DAB1: variants seen among roughly 807,000 people sequenced by gnomAD.
DAB1 encodes disabled homolog 1.
A neutral mutation model predicts 64.6 loss-of-function variants in DAB1; 15 were observed. The observed-to-expected ratio is 0.23, with a 90% CI of 0.16 to 0.36. The LOEUF (loss-of-function observed/expected upper bound fraction) is 0.36. DAB1 is among the 10% of genes least tolerant of loss of function. The pLI is 1.00. For synonymous variants in DAB1, 235 were observed against 251.9 expected (o/e 0.93, Z 0.64); for missense variants, 596 against 706.7 (o/e 0.84, Z 1.78).
rs546176069 is a variant in DAB1, at chr1:58,236,422, G to T, written n.310-85834C>A. 4.4e-3 allele frequency among the ~76,000 whole-genome samples: 665 copies of T among 152,076 alleles called. 3 individuals are homozygous for T. The highest frequency in any genetic ancestry group is 0.015 in the African/African-American group (622 of 41,464). On this transcript the variant is annotated intron_variant and non_coding_transcript_variant, in intron 4 of 20. Coordinates refer to the DAB1 transcript ENST00000485760. Reference sequence around the variant, plus strand: ...ACGAGTGTCGATCGGAAAGACGCATGGGGGACACAGCACCCGCTTACTTAA... The same window carrying T: ...ACGAGTGTCGATCGGAAAGACGCATTGGGGACACAGCACCCGCTTACTTAA...
chr1:57,061,233 G>GC (rs997001859), intron 9 of DAB1, among the ~76,000 whole-genome samples: 1 of 151,062 alleles, frequency 6.6e-6, no homozygotes, highest in African/African-American at 2.4e-5. Context: ...TTAGATGGGG[G>GC]GGGGGGGTGG....
At chr1:57,307,005 A>T (rs1353286781) in intron 1 of DAB1, 1 of 151,926 alleles carries the variant, frequency 6.6e-6, no homozygotes, top group Non-Finnish European at 1.5e-5. Context: ...CGCTTTCTCC[A>T]CTCCACACTC....
In DAB1 at chr1:58,517,941, C is replaced by T. The variant is rs578019767; in HGVS notation, n.107+9320G>A. 5.3e-5 allele frequency among the ~76,000 whole-genome samples: 8 copies of T among 151,696 alleles called. No homozygotes were observed. The South Asian group carries it at 1.5e-3, about 28-fold the overall frequency. ...GTGGCTCACACCTGTAATCCCAGCACTTTAGGAGGCCAAAGTGGGTGGGTC... is the reference window on the plus strand; with the variant it reads ...GTGGCTCACACCTGTAATCCCAGCATTTTAGGAGGCCAAAGTGGGTGGGTC... On this transcript the variant is annotated intron_variant and non_coding_transcript_variant, in intron 2 of 20. Coordinates refer to the DAB1 transcript ENST00000485760.
At chr1:57,116,926 C>A (rs1195532117) in intron 4 of DAB1, among the ~76,000 whole-genome samples, 4 of 152,188 alleles carry the variant, frequency 2.6e-5, no homozygotes, top group African/African-American at 9.6e-5. Context: ...GCAGAACTAG[C>A]ATTTATCCTG....
chr1:57,225,111 G>A (rs1020694496), intron 2 of DAB1, among the ~76,000 whole-genome samples: 2 of 152,116 alleles, frequency 1.3e-5, no homozygotes, highest in African/African-American at 4.8e-5. Flanking sequence ...CTGTTCATTT[G>A]TATCCTTTGT....
At chr1:57,241,537 G>C (rs1321653656) in intron 2 of DAB1, among the ~76,000 whole-genome samples, 1 of 152,156 alleles carries the variant, frequency 6.6e-6, no homozygotes, top group Non-Finnish European at 1.5e-5. Flanking sequence ...GTTGGGCTTA[G>C]AGTGGAGTCT....
At chr1:57,305,235 C>G (rs1023880712) in intron 1 of DAB1, among the ~76,000 whole-genome samples, 3 of 152,118 alleles carry the variant, frequency 2.0e-5, no homozygotes, top group African/African-American at 4.8e-5. Context: ...GGCTACCAGA[C>G]CAGGAGGGAA....
intron 4 of DAB1, among the ~76,000 whole-genome samples, chr1:58,165,809 G>A (rs929319592): frequency 6.6e-6 from 1 of 152,210 alleles, no homozygotes; most frequent in South Asian, 2.1e-4. Context: ...GAAATGGGCA[G>A]ACAGGAGGTC....
chr1:57,923,355 C>A (rs1644836937), intron 5 of DAB1, among the ~76,000 whole-genome samples: 1 of 152,156 alleles, frequency 6.6e-6, no homozygotes, highest in Non-Finnish European at 1.5e-5. Flanking sequence ...CAGGAGCCAG[C>A]TGGTGAGAAA....
Position 57,788,022 on chromosome 1 carries a change from G to A in DAB1, n.551+95977C>T, listed in dbSNP as rs551605252. On this transcript the variant is annotated intron_variant and non_coding_transcript_variant, in intron 6 of 20. Coordinates refer to the DAB1 transcript ENST00000485760. ...AAAACAAATGAGAATATCAAGTGAT[G>A]AAGAACATCTGGAGCAAGTGGAACT... Among the ~76,000 whole-genome samples, 51 of 151,932 alleles carry A rather than the reference G, an allele frequency of 3.4e-4. 1 individual carries two copies. The South Asian group carries it at 0.011, about 32-fold the overall frequency.
At chr1:57,742,428 C>A (rs1479609980) in intron 6 of DAB1, among the ~76,000 whole-genome samples, 2 of 151,990 alleles carry the variant, frequency 1.3e-5, no homozygotes, top group Non-Finnish European at 2.9e-5. Context: ...TCACCCTGAC[C>A]CTGGCTGGTG....
At chr1:58,037,308 G>A (rs1647059606) in intron 5 of DAB1, among the ~76,000 whole-genome samples, 1 of 152,112 alleles carries the variant, frequency 6.6e-6, no homozygotes, top group Admixed American at 6.5e-5. Context: ...TTTTTCTGAT[G>A]AGGATAGCTC....
chr1:57,135,633 A>G (rs1352303480), intron 4 of DAB1, among the ~76,000 whole-genome samples: 2 of 152,166 alleles, frequency 1.3e-5, no homozygotes, highest in East Asian at 3.9e-4. Context: ...TTTCTTCAAG[A>G]AAATCCATTT....
rs149636784 is a variant in DAB1 at position 58,093,633 on chromosome 1, G to T, written n.387+56878C>A. ...TGGAAAAATTGTCTTCCATTAAACT[G>T]GTCCCTGGTGCCAAAAAGGTTGGGG... On this transcript the variant is annotated intron_variant and non_coding_transcript_variant, in intron 5 of 20. Transcript: ENST00000485760. Among the ~76,000 whole-genome samples, 640 of 151,768 alleles carry T rather than the reference G, an allele frequency of 4.2e-3. 5 individuals carry two copies. The highest frequency in any genetic ancestry group is 0.015 in the African/African-American group (608 of 41,352).
chr1:57,394,512 T>C (rs1401458109), intron 1 of DAB1, among the ~76,000 whole-genome samples: 2 of 152,238 alleles, frequency 1.3e-5, no homozygotes, highest in East Asian at 1.9e-4. Flanking sequence ...ATAAGCTGTA[T>C]GCACCACATT....
chr1:57,510,162 A>C (rs1053390450), intron 7 of DAB1, among the ~76,000 whole-genome samples: 3 of 152,122 alleles, frequency 2.0e-5, no homozygotes, highest in African/African-American at 7.2e-5. Context: ...CCACATTCAC[A>C]TTTTTAACCC....
At chr1:58,027,980 C>G (rs1646918333) in intron 5 of DAB1, among the ~76,000 whole-genome samples, 1 of 152,164 alleles carries the variant, frequency 6.6e-6, no homozygotes, top group Non-Finnish European at 1.5e-5. Context: ...AGTTTATATG[C>G]TACTAACTCA....
chr1:57,605,930 T>C (rs1645630579), intron 7 of DAB1: 4 of 689,074 alleles, frequency 5.8e-6, no homozygotes, highest in African/African-American at 1.8e-5. Context: ...TCAGAAGGAC[T>C]GTGCAAGTCA....
chr1:57,597,281 C>T lies in DAB1; in HGVS notation n.625+52311G>A, dbSNP rs190082590. Among the ~76,000 whole-genome samples the T allele has an allele frequency of 4.6e-5, 7 of 152,370 alleles. No individual in the cohort carries two copies. The East Asian group carries it at 1.2e-3, about 25-fold the overall frequency. On this transcript the variant is annotated intron_variant and non_coding_transcript_variant, in intron 7 of 20. Transcript: ENST00000485760. ...ATCAAGAAGCCATACAGCAAATCAA[C>T]ATGCCCTTCTTTCTGAAATCTCTTG... is the stretch of plus-strand genomic sequence containing the variant.
Sources: allele counts gnomAD v4.1 joint callset (sites outside exome capture counted in the v4.1 genomes callset), GRCh38; gene constraint gnomAD v4.1.1; transcripts MANE v1.5; gene names NCBI Gene and HGNC (gene_info 2026-07-23, HGNC 2026-07-21).